Variants in REC114 observed in about 807,000 individuals in gnomAD.
The protein encoded by REC114 is REC114 meiotic recombination protein.
Under a neutral mutation model 31.3 loss-of-function variants are expected in REC114, and 27 were observed. The observed-to-expected ratio is 0.86, with a 90% CI of 0.64 to 1.19. The LOEUF (loss-of-function observed/expected upper bound fraction) is 1.19, where lower values mean the gene tolerates loss of function less well. REC114 is among the 50% of genes most tolerant of loss of function. The probability of loss-of-function intolerance (pLI) is 0.00; values close to 1 mark genes in which losing one functional copy is unlikely to be tolerated. For missense variants in REC114, 344 were observed against 326.9 expected (o/e 1.05, Z -0.40); for synonymous variants, 134 against 127.7 (o/e 1.05, Z -0.33).
Position 73,443,334 on chromosome 15 carries a change from C to G in REC114, c.149C>G (p.Pro50Arg). ...PCLEAGTAPC[P>R]TWKVFDSNEE... ...CTGGAAGCTGGGACAGCCCCCTGCCCCACATGGAAGGTGAGGCCCGAAGGC... is the reference window on the plus strand; with the variant it reads ...CTGGAAGCTGGGACAGCCCCCTGCCGCACATGGAAGGTGAGGCCCGAAGGC... The change falls in exon 1 of 6, where the codon CCC becomes CGC. Residue 50 changes from proline (P) to arginine (R), a missense_variant. Transcript: ENST00000331090. 1 of 1,577,142 alleles carries G rather than the reference C, an allele frequency of 6.3e-7. No homozygotes were observed. The highest frequency in any genetic ancestry group is 1.2e-5 in the South Asian group (1 of 85,638).
chr15:73,481,793 G>C (rs1893298430), intron 2 of REC114, among the ~76,000 whole-genome samples: 1 of 151,264 alleles, frequency 6.6e-6, no homozygotes, highest in Non-Finnish European at 1.5e-5. Context: ...TGAGTAGCTG[G>C]AATTACAGCT....
At chr15:73,467,234 A>G (rs1893074440) in intron 1 of REC114, among the ~76,000 whole-genome samples, 1 of 152,212 alleles carries the variant, frequency 6.6e-6, no homozygotes, top group South Asian at 2.1e-4. Flanking sequence ...TGTTTTTTTC[A>G]GGAAGGAGTA....
At chr15:73,445,747 T>C (rs760792533) in intron 1 of REC114, among the ~76,000 whole-genome samples, 3 of 152,130 alleles carry the variant, frequency 2.0e-5, no homozygotes, top group Non-Finnish European at 4.4e-5. Context: ...ATACATACCA[T>C]TTATTAAGTT....
chr15:73,521,596 C>A (rs1216092190), intron 2 of REC114, among the ~76,000 whole-genome samples: 1 of 151,966 alleles, frequency 6.6e-6, no homozygotes, highest in Non-Finnish European at 1.5e-5. Context: ...CTTACAAAGA[C>A]TAATTTCTTG....
intron 1 of REC114, among the ~76,000 whole-genome samples, chr15:73,469,996 GTTT>G (rs1893112404): frequency 1.3e-5 from 2 of 151,984 alleles, no homozygotes; most frequent in Admixed American, 6.6e-5. Flanking sequence ...CTATCCTTTT[GTTT>G]TTAACCTGTT....
intron 2 of REC114, among the ~76,000 whole-genome samples, chr15:73,513,780 C>T (rs1276908256): frequency 6.6e-6 from 1 of 151,398 alleles, no homozygotes; most frequent in African/African-American, 2.4e-5. Context: ...CAGGGACCCA[C>T]TTGAGGAGGC....
At chr15:73,504,994 C>T (rs1257173970) in intron 2 of REC114, among the ~76,000 whole-genome samples, 1 of 152,100 alleles carries the variant, frequency 6.6e-6, no homozygotes, top group Non-Finnish European at 1.5e-5. Flanking sequence ...ATGCCATGTT[C>T]CTCTAGTCCT....
chr15:73,502,652 A>G (rs1052565019), intron 2 of REC114, among the ~76,000 whole-genome samples: 1 of 152,150 alleles, frequency 6.6e-6, no homozygotes, highest in Non-Finnish European at 1.5e-5. Flanking sequence ...TTGCTGTCTT[A>G]TGGGTGGCAG....
In REC114 at chr15:73,537,232, A is replaced by C. The variant is rs1894167568; in HGVS notation, c.250-3253A>C. Among the ~76,000 whole-genome samples the C allele has an allele frequency of 1.3e-5, 2 of 152,324 alleles. 1 individual carries two copies. The highest frequency in any genetic ancestry group is 4.1e-4 in the South Asian group (2 of 4,822). On this transcript the variant is annotated intron_variant, in intron 2 of 5. Coordinates refer to ENST00000331090, the MANE Select transcript of REC114 (RefSeq NM_001042367.2). ...TGCTATGAGAGAAAGTGGAATGTTGAGGGAAAGTACAACAGAGTCACCTAG... is the reference window on the plus strand; with the variant it reads ...TGCTATGAGAGAAAGTGGAATGTTGCGGGAAAGTACAACAGAGTCACCTAG...
At chr15:73,451,643 C>T (rs953677667) in intron 1 of REC114, among the ~76,000 whole-genome samples, 8 of 152,180 alleles carry the variant, frequency 5.3e-5, no homozygotes, top group Non-Finnish European at 1.2e-4. Flanking sequence ...AGGCCAGCAT[C>T]ATCCTGATAT....
chr15:73,546,920 A>G (rs1282276552), intron 3 of REC114, among the ~76,000 whole-genome samples: 1 of 152,120 alleles, frequency 6.6e-6, no homozygotes, highest in Non-Finnish European at 1.5e-5. Flanking sequence ...ATAAAAATGG[A>G]TTAAATACTT....
At chr15:73,525,954 GATTT>G (rs1271907182) in intron 2 of REC114, among the ~76,000 whole-genome samples, 1 of 152,128 alleles carries the variant, frequency 6.6e-6, no homozygotes, top group Non-Finnish European at 1.5e-5. Flanking sequence ...TCTAATTGTA[GATTT>G]ATTTCTCCTT....
At chr15:73,502,365 A>G (rs1893615161) in intron 2 of REC114, among the ~76,000 whole-genome samples, 1 of 152,204 alleles carries the variant, frequency 6.6e-6, no homozygotes, top group African/African-American at 2.4e-5. Flanking sequence ...CCCCTTGCGC[A>G]GCTGAAAATT....
At chr15:73,452,410 A>G (rs1283660003) in intron 1 of REC114, among the ~76,000 whole-genome samples, 3 of 152,346 alleles carry the variant, frequency 2.0e-5, no homozygotes, top group Middle Eastern at 3.4e-3. Context: ...TAAAATACCT[A>G]GGAATCCAAC....
chr15:73,458,693 T>C (rs1307531214), intron 1 of REC114, among the ~76,000 whole-genome samples: 1 of 152,118 alleles, frequency 6.6e-6, no homozygotes, highest in Non-Finnish European at 1.5e-5. Context: ...AGACAGCTTG[T>C]GGAGGAGGGG....
chr15:73,531,588 A>G (rs781383889), intron 2 of REC114, among the ~76,000 whole-genome samples: 33 of 152,198 alleles, frequency 2.2e-4, no homozygotes, highest in Non-Finnish European at 4.6e-4. Flanking sequence ...GGATGGGTCA[A>G]AGTGTGTTAG....
chr15:73,519,688 G>A (rs550299844), intron 2 of REC114, among the ~76,000 whole-genome samples: 8 of 152,264 alleles, frequency 5.3e-5, no homozygotes, highest in South Asian at 2.1e-4. Context: ...CATATTCATC[G>A]CAGATTATTC....
intron 2 of REC114, among the ~76,000 whole-genome samples, chr15:73,511,326 TTC>T (rs1171545492): frequency 6.6e-6 from 1 of 151,520 alleles, no homozygotes; most frequent in African/African-American, 2.4e-5. Context: ...TATTTGATTC[TTC>T]TCTCTTTTTT....
At chr15:73,526,495 G>A (rs906709120) in intron 2 of REC114, among the ~76,000 whole-genome samples, 1 of 152,090 alleles carries the variant, frequency 6.6e-6, no homozygotes, top group African/African-American at 2.4e-5. Flanking sequence ...CACCATGGCT[G>A]TTGTAGGGTT....
Sources: gnomAD v4.1 joint callset for allele counts (sites outside exome capture counted in the v4.1 genomes callset) on GRCh38, gnomAD v4.1.1 for gene constraint, MANE v1.5 for transcripts, NCBI Gene and HGNC (gene_info 2026-07-23, HGNC 2026-07-21) for gene names.